The following INPP4B variants were observed in gnomAD, a reference collection of about 807,000 sequenced individuals.
INPP4B encodes inositol polyphosphate-4-phosphatase type II B.
INPP4B carries 55 observed loss-of-function variants against 122.5 expected under a neutral mutation model. That is an observed-to-expected ratio of 0.45 (90% confidence interval 0.36 to 0.56). INPP4B has a LOEUF of 0.56. INPP4B is among the 20% of genes least tolerant of loss of function. The pLI, the probability that INPP4B is intolerant of heterozygous loss-of-function variation, is 0.00. For missense variants in INPP4B, 1,000 were observed against 1,097.7 expected (o/e 0.91, Z 1.26); for synonymous variants, 403 against 388.7 (o/e 1.04, Z -0.43).
chr4:142,630,141 C>A (rs984717991), intron 2 of INPP4B, among the ~76,000 whole-genome samples: 1 of 152,034 alleles, frequency 6.6e-6, no homozygotes, highest in African/African-American at 2.4e-5. Flanking sequence ...AAAGCTTGTC[C>A]AAAGTAGGGT....
chr4:142,089,562 G>A (rs1778515899), intron 23 of INPP4B, among the ~76,000 whole-genome samples: 1 of 150,216 alleles, frequency 6.7e-6, no homozygotes, highest in Non-Finnish European at 1.5e-5. Flanking sequence ...TTTAATAATG[G>A]ATATGTATCA....
At chr4:142,834,027 G>A (rs942789313) in intron 1 of INPP4B, among the ~76,000 whole-genome samples, 8 of 152,040 alleles carry the variant, frequency 5.3e-5, no homozygotes, top group African/African-American at 1.7e-4. Context: ...CTCAGATTTT[G>A]TACTAGTTAG....
At chr4:142,511,682 C>T (rs1824736297) in intron 2 of INPP4B, among the ~76,000 whole-genome samples, 1 of 152,126 alleles carries the variant, frequency 6.6e-6, no homozygotes, top group East Asian at 1.9e-4. Context: ...TAGGCTGGGA[C>T]TCAGGCGTTA....
At chr4:142,244,143 C>A (rs539134064) in intron 11 of INPP4B, among the ~76,000 whole-genome samples, 1 of 150,888 alleles carries the variant, frequency 6.6e-6, no homozygotes. Context: ...CTCCCACTTA[C>A]GAGTGAGAAC....
chr4:142,394,442 G>T (rs1798713122), intron 7 of INPP4B, among the ~76,000 whole-genome samples: 1 of 152,180 alleles, frequency 6.6e-6, no homozygotes, highest in Non-Finnish European at 1.5e-5. Flanking sequence ...ACCGCACCTG[G>T]CCAAAGTTTC....
intron 18 of INPP4B, among the ~76,000 whole-genome samples, chr4:142,132,047 T>C (rs1281329042): frequency 1.3e-5 from 2 of 152,106 alleles, no homozygotes; most frequent in Non-Finnish European, 2.9e-5. Context: ...TCTCTGTGGG[T>C]GTGAACATCA....
rs56242315 is a variant in INPP4B at position 142,384,022 on chromosome 4, C to G, written c.372+18916G>C. ...TGCACTTGGCCAACCATCCTGCAGA[C>G]ATTTGAACAGGTGACTGAGCAAGTT... is the stretch of plus-strand genomic sequence containing the variant. On this transcript the variant is annotated intron_variant, in intron 7 of 25. Transcript: ENST00000262992. The G allele has an allele frequency of 2.2e-4, 156 of 699,442 alleles. 1 individual carries two copies. The African/African-American group carries it at 2.4e-3, about 11-fold the overall frequency. The allele number at this position is 699,442 out of a possible 1,614,324, so 43.3% of individuals were successfully genotyped here.
chr4:142,758,817 G>T (rs1580849259), intron 1 of INPP4B, among the ~76,000 whole-genome samples: 1 of 151,962 alleles, frequency 6.6e-6, no homozygotes, highest in Non-Finnish European at 1.5e-5. Context: ...GCCGGGTGTG[G>T]CAGTGTACAC....
At chr4:142,806,852 G>GAA (rs1561091815) in intron 1 of INPP4B, among the ~76,000 whole-genome samples, 4 of 128,516 alleles carry the variant, frequency 3.1e-5, no homozygotes, top group African/African-American at 5.8e-5. Context: ...AGAAAGAAAG[G>GAA]AGAAGAAAAA....
At chr4:142,679,064 T>A (rs1758215022) in intron 2 of INPP4B, among the ~76,000 whole-genome samples, 1 of 151,874 alleles carries the variant, frequency 6.6e-6, no homozygotes, top group Non-Finnish European at 1.5e-5. Flanking sequence ...TTCAGTTTAT[T>A]TTTACCTCTC....
chr4:142,147,012 G>A (rs896782067), intron 17 of INPP4B, among the ~76,000 whole-genome samples: 2 of 152,156 alleles, frequency 1.3e-5, no homozygotes, highest in African/African-American at 4.8e-5. Context: ...ATAGACGACT[G>A]CCATTCCTCA....
chr4:142,684,701 A>G (rs552141503), intron 2 of INPP4B, among the ~76,000 whole-genome samples: 4 of 152,094 alleles, frequency 2.6e-5, no homozygotes, highest in African/African-American at 9.7e-5. Context: ...ATTCAGGGAC[A>G]TTATTTTTGA....
At chr4:142,352,603 C>T (rs1034457070) in intron 7 of INPP4B, among the ~76,000 whole-genome samples, 1 of 151,940 alleles carries the variant, frequency 6.6e-6, no homozygotes, top group Non-Finnish European at 1.5e-5. Context: ...TAGGATCATA[C>T]TTCAGCTCCC....
At chr4:142,424,896 AT>A (rs930418148) in intron 5 of INPP4B, among the ~76,000 whole-genome samples, 5 of 152,070 alleles carry the variant, frequency 3.3e-5, no homozygotes, top group African/African-American at 1.2e-4. Context: ...CCTATTATTT[AT>A]TTTTTGTGAT....
intron 2 of INPP4B, among the ~76,000 whole-genome samples, chr4:142,552,724 T>A (rs1728272864): frequency 6.6e-6 from 1 of 152,212 alleles, no homozygotes; most frequent in South Asian, 2.1e-4. Context: ...TGTAAGTATT[T>A]TATTACATTA....
rs112200375 is a variant in INPP4B, at chr4:142,744,046, A to G, written c.-253-18145T>C. On this transcript the variant is annotated intron_variant, in intron 1 of 25. Coordinates refer to ENST00000262992, the MANE Select transcript of INPP4B (RefSeq NM_001101669.3). ...TATTTAAACATATTCAAAAAACCAAAGAAAATGTGTTCATAGAATTAAAGG... is the reference window on the plus strand; with the variant it reads ...TATTTAAACATATTCAAAAAACCAAGGAAAATGTGTTCATAGAATTAAAGG... 8.5e-5 allele frequency among the ~76,000 whole-genome samples: 13 copies of G among 152,140 alleles called. 1 individual carries two copies. The highest frequency in any genetic ancestry group is 3.1e-4 in the African/African-American group (13 of 41,548).
At chr4:142,030,343 A>T (rs936072147) in intron 25 of INPP4B, 69 of 1,514,544 alleles carry the variant, frequency 4.6e-5, no homozygotes, top group Non-Finnish European at 6.0e-5. Context: ...AGAAAATAGT[A>T]TAGAGTTCAC....
intron 25 of INPP4B, among the ~76,000 whole-genome samples, chr4:142,060,503 G>T (rs898727098): frequency 5.3e-5 from 8 of 152,156 alleles, no homozygotes; most frequent in Non-Finnish European, 8.8e-5. Flanking sequence ...ATGGATCCAG[G>T]AATAAAGAAA....
At chr4:142,542,721 A>T (rs772429485) in intron 2 of INPP4B, among the ~76,000 whole-genome samples, 1 of 152,192 alleles carries the variant, frequency 6.6e-6, no homozygotes, top group Non-Finnish European at 1.5e-5. Flanking sequence ...TTTCATATGA[A>T]GCTCATTTCC....
Sources: gnomAD v4.1 joint callset for allele counts (sites outside exome capture counted in the v4.1 genomes callset) on GRCh38, gnomAD v4.1.1 for gene constraint, MANE v1.5 for transcripts, NCBI Gene and HGNC (gene_info 2026-07-23, HGNC 2026-07-21) for gene names.